ZDHHC14: variants seen among roughly 807,000 people sequenced by gnomAD.
ZDHHC14 encodes the protein zDHHC palmitoyltransferase 14.
ZDHHC14 carries 16 observed loss-of-function variants against 47.7 expected under a neutral mutation model. That is an observed-to-expected ratio of 0.34 (90% confidence interval 0.23 to 0.51). The LOEUF (loss-of-function observed/expected upper bound fraction) is 0.51, where lower values mean the gene tolerates loss of function less well. Among genes scored for constraint, ZDHHC14 ranks in the 20% least tolerant of loss-of-function variants. The pLI is 0.97. For synonymous variants in ZDHHC14, 293 were observed against 278.9 expected (o/e 1.05, Z -0.50); for missense variants, 515 against 662.5 (o/e 0.78, Z 2.44).
intron 1 of ZDHHC14, among the ~76,000 whole-genome samples, chr6:157,527,899 G>A (rs149324386): frequency 9.9e-5 from 15 of 152,156 alleles, no homozygotes; most frequent in African/African-American, 2.9e-4. Flanking sequence ...GGGGCTTTCT[G>A]ATCCTTCTCT....
At chr6:157,417,406 A>G (rs1778005055) in intron 1 of ZDHHC14, among the ~76,000 whole-genome samples, 1 of 44,666 alleles carries the variant, frequency 2.2e-5, no homozygotes, top group Admixed American at 2.1e-4. Context: ...CGTATCGTGG[A>G]CATTTTTTTC....
At chr6:157,572,690 T>C (rs1783148763) in intron 2 of ZDHHC14, among the ~76,000 whole-genome samples, 1 of 132,902 alleles carries the variant, frequency 7.5e-6, no homozygotes, top group African/African-American at 2.9e-5. Context: ...TTCCCCTTCA[T>C]GGACAGAGGA....
At chr6:157,392,053 G>A (rs1425871994) in intron 1 of ZDHHC14, among the ~76,000 whole-genome samples, 76 of 152,232 alleles carry the variant, frequency 5.0e-4, no homozygotes, top group Non-Finnish European at 7.4e-5. Context: ...GAATCTGCAA[G>A]ACTTCCATTT....
intron 3 of ZDHHC14, among the ~76,000 whole-genome samples, chr6:157,609,073 A>G (rs761371670): frequency 1.3e-5 from 2 of 152,230 alleles, no homozygotes; most frequent in African/African-American, 2.4e-5. Flanking sequence ...AGTAGAGTTC[A>G]CATATTTTAA....
chr6:157,578,575 A>AC (rs1477044772), intron 2 of ZDHHC14, among the ~76,000 whole-genome samples: 10 of 152,180 alleles, frequency 6.6e-5, no homozygotes, highest in African/African-American at 2.2e-4. Flanking sequence ...TTGTGGCCCC[A>AC]CCCAAATCTC....
At chr6:157,566,202 A>G (rs1224176798) in intron 2 of ZDHHC14, among the ~76,000 whole-genome samples, 1 of 151,882 alleles carries the variant, frequency 6.6e-6, no homozygotes, top group Non-Finnish European at 1.5e-5. Context: ...TTGCGAGTCA[A>G]CTGGCAAGGA....
At chr6:157,638,006 CCGA>C (rs1777064872) in intron 5 of ZDHHC14, among the ~76,000 whole-genome samples, 2 of 152,216 alleles carry the variant, frequency 1.3e-5, no homozygotes, top group East Asian at 3.9e-4. Flanking sequence ...GAGAAAGGAA[CCGA>C]GTAGCTTCTA....
intron 1 of ZDHHC14, among the ~76,000 whole-genome samples, chr6:157,533,678 C>T (rs775857621): frequency 6.6e-6 from 1 of 152,138 alleles, no homozygotes; most frequent in Non-Finnish European, 1.5e-5. Flanking sequence ...AGAGGAGGGA[C>T]GTGCTCTGGC....
At chr6:157,550,006 G>C (rs9456469) in intron 2 of ZDHHC14, among the ~76,000 whole-genome samples, 9,435 of 152,280 alleles carry the variant, frequency 0.062, 1,025 homozygotes, top group African/African-American at 0.22. Context: ...TGTAGCTCCT[G>C]TCTCCTGGTG....
In ZDHHC14 at chr6:157,536,008, CCTCCATTTCTCACAATGCTA is replaced by C. The variant is rs367638778; in HGVS notation, c.246-6573_246-6554del. On this transcript the variant is annotated intron_variant, in intron 1 of 8. Transcript: ENST00000359775. ...GTCATTTCTATTGCAACCCTTAAAA[CCTCCATTTCTCACAATGCTA>C]CTCTGATTATTTCAGATGTGTGAGT... 2.8e-3 allele frequency among the ~76,000 whole-genome samples: 426 copies of C among 152,274 alleles called. 1 individual carries two copies. The highest frequency in any genetic ancestry group is 9.8e-3 in the African/African-American group (406 of 41,560).
intron 1 of ZDHHC14, among the ~76,000 whole-genome samples, chr6:157,417,657 T>TTATC (rs1009458035): frequency 6.6e-6 from 1 of 152,214 alleles, no homozygotes; most frequent in African/African-American, 2.4e-5. Flanking sequence ...TTACATTGGC[T>TTATC]GATATGATAC....
intron 1 of ZDHHC14, among the ~76,000 whole-genome samples, chr6:157,383,740 G>A (rs570229901): frequency 3.3e-5 from 5 of 152,322 alleles, no homozygotes; most frequent in African/African-American, 1.2e-4. Flanking sequence ...CCCCCTTGAT[G>A]TTTAGGTTCT....
chr6:157,396,051 A>G (rs1479094241), intron 1 of ZDHHC14, among the ~76,000 whole-genome samples: 2 of 152,056 alleles, frequency 1.3e-5, no homozygotes, highest in African/African-American at 4.8e-5. Context: ...TGGAGCTAAC[A>G]TACCATTAGA....
At chr6:157,629,818 G>C (rs1386791065) in intron 4 of ZDHHC14, 2 of 152,078 alleles carry the variant, frequency 1.3e-5, no homozygotes, top group Non-Finnish European at 2.9e-5. Context: ...TCCTCAAAAT[G>C]GCAAAAATGT....
intron 3 of ZDHHC14, among the ~76,000 whole-genome samples, chr6:157,593,937 G>C (rs759727332): frequency 6.6e-6 from 1 of 152,216 alleles, no homozygotes; most frequent in Non-Finnish European, 1.5e-5. Context: ...AGCAAGGAGA[G>C]GACAAAAGCT....
Position 157,410,130 on chromosome 6 carries a change from C to T in ZDHHC14, c.245+27864C>T, listed in dbSNP as rs769787678. Among the ~76,000 whole-genome samples, 7 of 152,318 alleles carry T rather than the reference C, an allele frequency of 4.6e-5. No individual in the cohort carries two copies. The East Asian group carries it at 1.4e-3, about 29-fold the overall frequency. ...CCAGTACCTGTTGGTCATGGAGAGA[C>T]GCTCACAGGCCAGCTTCTCAGCACT... On this transcript the variant is annotated intron_variant, in intron 1 of 8. Transcript: ENST00000359775.
intron 1 of ZDHHC14, among the ~76,000 whole-genome samples, chr6:157,392,530 G>C (rs913146396): frequency 6.6e-6 from 1 of 151,856 alleles, no homozygotes; most frequent in African/African-American, 2.4e-5. Flanking sequence ...TGATAGCAAG[G>C]GTTTCTGATT....
At chr6:157,655,493 C>T (rs1381133878) in intron 8 of ZDHHC14, among the ~76,000 whole-genome samples, 1 of 152,218 alleles carries the variant, frequency 6.6e-6, no homozygotes, top group Non-Finnish European at 1.5e-5. Context: ...CTTTCTGCAC[C>T]ATTCGCAGGT....
chr6:157,641,564 T>C (rs1657320260), intron 5 of ZDHHC14, among the ~76,000 whole-genome samples: 2 of 152,162 alleles, frequency 1.3e-5, no homozygotes, highest in Admixed American at 6.5e-5. Flanking sequence ...TCTACGAACA[T>C]GTAGGGGTTC....
Sources: allele counts gnomAD v4.1 joint callset (sites outside exome capture counted in the v4.1 genomes callset), GRCh38; gene constraint gnomAD v4.1.1; transcripts MANE v1.5; gene names NCBI Gene and HGNC (gene_info 2026-07-23, HGNC 2026-07-21).